CRPPA: variants seen among roughly 807,000 people sequenced by gnomAD.
CRPPA encodes the protein CDP-L-ribitol pyrophosphorylase A, also known as D-ribitol-5-phosphate cytidylyltransferase.
CRPPA carries 43 observed loss-of-function variants against 52.0 expected under a neutral mutation model. That is an observed-to-expected ratio of 0.83 (90% CI 0.65 to 1.07). CRPPA has a LOEUF of 1.07. Among genes scored for constraint, CRPPA ranks in the 50% least tolerant of loss-of-function variants. The pLI is 0.00. For synonymous variants in CRPPA, 250 were observed against 203.5 expected (o/e 1.23, Z -1.94); for missense variants, 629 against 551.7 (o/e 1.14, Z -1.40).
chr7:16,117,505 G>C (rs1384257562), intron 9 of CRPPA, among the ~76,000 whole-genome samples: 1 of 152,200 alleles, frequency 6.6e-6, no homozygotes, highest in East Asian at 1.9e-4. Context: ...GGATGGAAGA[G>C]CAAGCCTCCC....
intron 2 of CRPPA, among the ~76,000 whole-genome samples, chr7:16,379,951 T>A (rs1382315831): frequency 6.6e-6 from 1 of 152,166 alleles, no homozygotes; most frequent in Non-Finnish European, 1.5e-5. Flanking sequence ...ACAATTTGAC[T>A]TCCTCTTTTC....
At chr7:16,245,977 G>A (rs1030817897) in intron 8 of CRPPA, among the ~76,000 whole-genome samples, 3 of 151,598 alleles carry the variant, frequency 2.0e-5, no homozygotes, top group Admixed American at 1.3e-4. Flanking sequence ...CTCAAGGTTG[G>A]GTGGATGTGG....
At chr7:16,151,089 C>A (rs950217338) in intron 9 of CRPPA, among the ~76,000 whole-genome samples, 2 of 152,178 alleles carry the variant, frequency 1.3e-5, no homozygotes, top group African/African-American at 2.4e-5. Context: ...CAAATAGTTT[C>A]TTTGTCAGAA....
chr7:16,267,108 T>C (rs1200970964), intron 6 of CRPPA, among the ~76,000 whole-genome samples: 1 of 152,170 alleles, frequency 6.6e-6, no homozygotes, highest in Non-Finnish European at 1.5e-5. Flanking sequence ...TAATTAAAAA[T>C]AAAACAAGGT....
chr7:16,105,897 A>C (rs1473588740), intron 9 of CRPPA, among the ~76,000 whole-genome samples: 1 of 152,194 alleles, frequency 6.6e-6, no homozygotes, highest in African/African-American at 2.4e-5. Context: ...GACCCCATTC[A>C]GGAAAGAAGA....
Position 16,289,818 on chromosome 7 carries a change from C to T in CRPPA, c.836-11592G>A, listed in dbSNP as rs369245654. Among the ~76,000 whole-genome samples, 6 of 152,164 alleles carry T rather than the reference C, an allele frequency of 3.9e-5. No homozygotes were observed. The East Asian group carries it at 1.2e-3, about 29-fold the overall frequency. On this transcript the variant is annotated intron_variant, in intron 5 of 9. Transcript: ENST00000407010. ...CCTATCCACCACAGTACTGGAAGTC[C>T]TAGCCAGAACAATCAGGCAAGAGAA... is the stretch of plus-strand genomic sequence containing the variant.
intron 1 of CRPPA, among the ~76,000 whole-genome samples, chr7:16,420,674 G>C (rs1219440323): frequency 6.6e-6 from 1 of 152,216 alleles, no homozygotes; most frequent in Admixed American, 6.5e-5. Context: ...CAGTGTGCAC[G>C]TACAACTCAA....
chr7:16,249,560 G>C lies in CRPPA; in HGVS notation c.1119+8830C>G, dbSNP rs191521690. ...AGACAGCAATAGTTGCTGTTCTGCA[G>C]CCTCTGCTGATCATAGCCAGGCAAA... On this transcript the variant is annotated intron_variant, in intron 8 of 9. Coordinates refer to ENST00000407010, the MANE Select transcript of CRPPA (RefSeq NM_001101426.4). Among the ~76,000 whole-genome samples, 3 of 152,268 alleles carry C rather than the reference G, an allele frequency of 2.0e-5. No homozygotes were observed. In the East Asian group the frequency reaches 5.8e-4, roughly 29 times the overall value.
intron 9 of CRPPA, chr7:16,208,958 C>T (rs1044688441): frequency 1.2e-5 from 5 of 411,978 alleles, no homozygotes; most frequent in African/African-American, 4.1e-5. Flanking sequence ...GTGAACATTC[C>T]TAAAATCCAC....
At chr7:16,122,346 G>A (rs940432806) in intron 9 of CRPPA, among the ~76,000 whole-genome samples, 4 of 151,810 alleles carry the variant, frequency 2.6e-5, no homozygotes, top group African/African-American at 9.7e-5. Flanking sequence ...GAAAGAAAGA[G>A]TCCATCTTGA....
chr7:16,179,432 T>C (rs1781367955), intron 9 of CRPPA, among the ~76,000 whole-genome samples: 1 of 151,920 alleles, frequency 6.6e-6, no homozygotes, highest in South Asian at 2.1e-4. Flanking sequence ...TATCCTGGAT[T>C]ATCTTTATCT....
At chr7:16,354,216 T>C (rs1219945424) in intron 3 of CRPPA, among the ~76,000 whole-genome samples, 1 of 152,160 alleles carries the variant, frequency 6.6e-6, no homozygotes, top group African/African-American at 2.4e-5. Flanking sequence ...TTATCAAAAA[T>C]AATTTAATTA....
intron 9 of CRPPA, among the ~76,000 whole-genome samples, chr7:16,192,203 G>A (rs775997450): frequency 1.3e-5 from 2 of 152,040 alleles, no homozygotes; most frequent in African/African-American, 4.8e-5. Context: ...TAAGAGAACA[G>A]AGGCATCCTC....
At chr7:16,264,940 G>A (rs1295144) in intron 6 of CRPPA, among the ~76,000 whole-genome samples, 120,168 of 152,122 alleles carry the variant, frequency 0.79, 48,229 homozygotes, top group African/African-American at 0.94. Flanking sequence ...GGCAAGTTAC[G>A]TAAGTCCTGT....
chr7:16,300,964 AC>A (rs376935007), intron 5 of CRPPA, among the ~76,000 whole-genome samples: 4 of 152,312 alleles, frequency 2.6e-5, no homozygotes, highest in African/African-American at 9.6e-5. Flanking sequence ...CATTGTCAGA[AC>A]CCAAAAGAAA....
chr7:16,301,066 C>A (rs962317070), intron 5 of CRPPA, among the ~76,000 whole-genome samples: 7 of 152,172 alleles, frequency 4.6e-5, no homozygotes, highest in African/African-American at 1.7e-4. Context: ...ACCGACACGA[C>A]ACTGTTAAGG....
intron 2 of CRPPA, among the ~76,000 whole-genome samples, chr7:16,396,972 C>G (rs555789724): frequency 1.1e-4 from 16 of 152,278 alleles, no homozygotes; most frequent in Admixed American, 3.3e-4. Context: ...ACGTGTGACA[C>G]TGGTGACATG....
At chr7:16,304,386 C>T (rs967141704) in intron 4 of CRPPA, among the ~76,000 whole-genome samples, 10 of 152,128 alleles carry the variant, frequency 6.6e-5, no homozygotes, top group African/African-American at 2.4e-4. Context: ...TGACATCAAG[C>T]CAGAATGTTT....
At chr7:16,296,731 A>C (rs909583115) in intron 5 of CRPPA, among the ~76,000 whole-genome samples, 6 of 152,142 alleles carry the variant, frequency 3.9e-5, no homozygotes, top group African/African-American at 1.4e-4. Flanking sequence ...ACAGTACCCC[A>C]AATCATTTTA....
Sources: allele counts gnomAD v4.1 joint callset (sites outside exome capture counted in the v4.1 genomes callset), GRCh38; gene constraint gnomAD v4.1.1; transcripts MANE v1.5; gene names NCBI Gene and HGNC (gene_info 2026-07-23, HGNC 2026-07-21).